TRAP1: variants seen among roughly 807,000 people sequenced by gnomAD.
The protein encoded by TRAP1 is heat shock protein 75 kDa, mitochondrial.
A neutral mutation model predicts 89.1 loss-of-function variants in TRAP1; 102 were observed. The ratio of observed to expected loss-of-function variants is 1.15; its 90% CI spans 0.98 to 1.35. The LOEUF (loss-of-function observed/expected upper bound fraction) is 1.35, where lower values mean the gene tolerates loss of function less well. Ranked by LOEUF, TRAP1 falls within the 40% of genes most tolerant of loss-of-function variation. The pLI is 0.00. For synonymous variants in TRAP1, 508 were observed against 388.0 expected (o/e 1.31, Z -3.64); for missense variants, 1,256 against 945.3 (o/e 1.33, Z -4.31).
chr16:3,703,397 T>C (rs1172446952), intron 1 of TRAP1, among the ~76,000 whole-genome samples: 3 of 151,816 alleles, frequency 2.0e-5, no homozygotes, highest in East Asian at 1.9e-4. Flanking sequence ...AATGGGACAA[T>C]GCTGTGTAAT....
At chr16:3,671,624 C>G in intron 11 of TRAP1, 98 bp downstream of exon 11, 2 of 1,377,014 alleles carry the variant, frequency 1.5e-6, no homozygotes, top group Non-Finnish European at 2.0e-6. Context: ...CACCTCTGCT[C>G]TCAGCTCCAT....
chr16:3,658,328 G>C, intron 17 of TRAP1, 98 bp from the exon 18 acceptor site: 1 of 961,782 alleles, frequency 1.0e-6, no homozygotes, highest in Middle Eastern at 2.1e-4. Flanking sequence ...AGGCTGGAGT[G>C]CAGAGGCACG....
chr16:3,663,551 G>C lies in TRAP1; in HGVS notation c.1581C>G (p.Cys527Trp). The change falls in exon 14 of 18, where the codon TGC becomes TGG. Residue 527 changes from cysteine to tryptophan, a missense_variant. Coordinates refer to ENST00000246957, the MANE Select transcript of TRAP1 (RefSeq NM_016292.3). ...GGGTGAGCTCATCAAACTGCTCAAA[G>C]CAGAAGAGAACCTGCAGGTGGCCAA... ...MKKKDTEVLF[C>W]FEQFDELTLL... The C allele has an allele frequency of 1.9e-6, 3 of 1,613,938 alleles. No individual in the cohort carries two copies. The highest frequency in any genetic ancestry group is 1.7e-6 in the Non-Finnish European group (2 of 1,179,970).
intron 3 of TRAP1, among the ~76,000 whole-genome samples, chr16:3,686,387 G>C (rs1037026109): frequency 1.3e-5 from 2 of 152,108 alleles, no homozygotes; most frequent in Non-Finnish European, 2.9e-5. Flanking sequence ...CTGCAATCAC[G>C]GCTTATTGCA....
intron 1 of TRAP1, among the ~76,000 whole-genome samples, chr16:3,707,243 T>TA (rs2051460317): frequency 2.7e-5 from 4 of 148,894 alleles, no homozygotes; most frequent in African/African-American, 9.9e-5. Flanking sequence ...TGGAGTGCAG[T>TA]GGCGGGATCT....
intron 1 of TRAP1, 25 bp from the exon 2 acceptor site, chr16:3,691,010 A>G (rs549948077): frequency 8.9e-6 from 13 of 1,453,952 alleles, no homozygotes; most frequent in African/African-American, 5.8e-5. Flanking sequence ...ATGCAGAAAG[A>G]ATGAGAATTA....
At chr16:3,658,390 G>T (rs2042849048) in intron 17 of TRAP1, 160 bp from the exon 18 acceptor site, 2 of 655,816 alleles carry the variant, frequency 3.0e-6, no homozygotes, top group Non-Finnish European at 5.2e-6. Flanking sequence ...AAAGTGCTGG[G>T]ATTACAGGCG....
In TRAP1 at chr16:3,689,041, A is replaced by G; in HGVS notation, c.330+14T>C. The G allele has an allele frequency of 6.2e-7, 1 of 1,602,018 alleles. No individual in the cohort carries two copies. The highest frequency in any genetic ancestry group is 1.1e-5 in the South Asian group (1 of 88,376). The stretch of plus-strand genomic sequence containing the variant: ...AACTTTGCTAGCATCGGGCATGGTT[A>G]GCAGGGAACGCACCTCTTTTTCTGA... On this transcript the variant is annotated intron_variant, in intron 3 of 17. Coordinates refer to ENST00000246957, the MANE Select transcript of TRAP1 (RefSeq NM_016292.3).
At chr16:3,670,562 G>C (rs748209573) in intron 11 of TRAP1, among the ~76,000 whole-genome samples, 8 of 151,876 alleles carry the variant, frequency 5.3e-5, no homozygotes, top group Non-Finnish European at 7.4e-5. Flanking sequence ...AAATTAGCCA[G>C]GCATGGTAGC....
Position 3,686,051 on chromosome 16 carries a change from G to A in TRAP1, c.416C>T (p.Pro139Leu). The part of the protein sequence containing the change: ...HKLVSDGQAL[P>L]EMEIHLQTNA... ...GGTCTGCAAGTGAATCTCCATTTCT[G>A]GCAGTGCTTGGCCGTCAGACACCAG... The change falls in exon 4 of 18, where the codon CCA (proline) becomes CTA (leucine). Residue 139 changes from proline to leucine, a missense_variant. By Grantham distance (98) the Pro-to-Leu change is moderately conservative. Coordinates refer to ENST00000246957, the MANE Select transcript of TRAP1 (RefSeq NM_016292.3). The A allele has an allele frequency of 6.2e-7, 1 of 1,614,078 alleles. No homozygotes were observed. Among genetic ancestry groups the A allele is most frequent in the African/African-American group, 1.3e-5 (1 of 75,016 alleles).
At chr16:3,699,867 G>GTGTT in intron 1 of TRAP1, among the ~76,000 whole-genome samples, 1 of 150,312 alleles carries the variant, frequency 6.7e-6, no homozygotes. Flanking sequence ...TAGAGATAGG[G>GTGTT]TGTTTCCATG....
At chr16:3,679,499 C>T (rs559605183) in intron 5 of TRAP1, among the ~76,000 whole-genome samples, 10 of 152,242 alleles carry the variant, frequency 6.6e-5, no homozygotes, top group African/African-American at 2.4e-4. Flanking sequence ...GCAGACTTTG[C>T]TATCCAAGGG....
intron 16 of TRAP1, chr16:3,661,628 A>T (rs1253295612): frequency 4.4e-6 from 1 of 224,804 alleles, no homozygotes; most frequent in African/African-American, 2.3e-5. Flanking sequence ...GGCAACCCTC[A>T]TGCCAAGTGA....
At chr16:3,684,095 G>T (rs911236056) in intron 4 of TRAP1, among the ~76,000 whole-genome samples, 2 of 152,016 alleles carry the variant, frequency 1.3e-5, no homozygotes, top group Non-Finnish European at 2.9e-5. Flanking sequence ...AAATCCGGGG[G>T]GCAGAGGCCT....
intron 1 of TRAP1, among the ~76,000 whole-genome samples, chr16:3,708,142 G>A (rs1265540296): frequency 1.2e-4 from 18 of 152,114 alleles, no homozygotes; most frequent in East Asian, 1.9e-4. Context: ...GGCCTGCAGC[G>A]AGCCAGGATC....
intron 5 of TRAP1, among the ~76,000 whole-genome samples, chr16:3,679,194 G>C (rs1015322796): frequency 5.9e-5 from 9 of 152,268 alleles, no homozygotes; most frequent in Middle Eastern, 3.4e-3. Flanking sequence ...GGGAGGCTGA[G>C]GCAGGAGAGT....
intron 1 of TRAP1, among the ~76,000 whole-genome samples, chr16:3,715,471 C>T (rs1176602335): frequency 5.9e-5 from 9 of 151,948 alleles, no homozygotes; most frequent in Admixed American, 5.9e-4. Context: ...GATAAAGAAA[C>T]AGAATTAAAA....
intron 1 of TRAP1, chr16:3,704,337 G>C (rs1050617275): frequency 8.5e-5 from 13 of 152,198 alleles, no homozygotes; most frequent in African/African-American, 3.1e-4. Context: ...GCACGACTCT[G>C]TCTCAAAACA....
chr16:3,664,284 T>C lies in TRAP1; in HGVS notation c.1559A>G (p.Lys520Arg), dbSNP rs1476391501. ...HSPYYEAMKK[K>R]DTEVLFCFEQ... The stretch of plus-strand genomic sequence containing the variant: ...CCACCGCTCACCCACCTCTGTGTCT[T>C]TCTTCTTCATGGCCTCATAGTAGGG... Residue 520 changes from lysine (K) to arginine (R), a missense_variant, in exon 13 of 18, where the codon AAA (lysine) becomes AGA (arginine). Coordinates refer to ENST00000246957, the MANE Select transcript of TRAP1 (RefSeq NM_016292.3). 3.1e-6 allele frequency: 5 copies of C among 1,594,638 alleles called. No individual in the cohort carries two copies. Among genetic ancestry groups the C allele is most frequent in the Admixed American group, 1.8e-5 (1 of 54,380 alleles).
Sources: gnomAD v4.1 joint callset for allele counts (sites outside exome capture counted in the v4.1 genomes callset) on GRCh38, gnomAD v4.1.1 for gene constraint, MANE v1.5 for transcripts, NCBI Gene and HGNC (gene_info 2026-07-23, HGNC 2026-07-21) for gene names.